The following ST7 variants were observed in gnomAD, a reference collection of about 807,000 sequenced individuals.
The protein encoded by ST7 is suppressor of tumorigenicity 7 protein.
ST7 carries 28 observed loss-of-function variants against 78.7 expected under a neutral mutation model. The observed-to-expected ratio is 0.36, with a 90% confidence interval of 0.26 to 0.49. ST7 has a LOEUF of 0.49. Among genes scored for constraint, ST7 ranks in the 20% least tolerant of loss-of-function variants. ST7 has a pLI of 0.99. For missense variants in ST7, 418 were observed against 696.0 expected (o/e 0.60, Z 4.49); for synonymous variants, 247 against 249.6 (o/e 0.99, Z 0.10).
rs781290828 is a variant in ST7, at chr7:117,136,251, G to A, written c.865+16G>A. ...GCCCAACATAGTAAGGTTTCCTGCA[G>A]GTTGATGCATTGGGGGATCAGAATT... On this transcript the variant is annotated intron_variant, in intron 8 of 15. Transcript: ENST00000323984. 3 of 1,613,552 alleles carry A rather than the reference G, an allele frequency of 1.9e-6. No homozygotes were observed. Among genetic ancestry groups the A allele is most frequent in the Non-Finnish European group, 2.5e-6 (3 of 1,179,654 alleles).
chr7:117,225,497 T>A (rs1367636843), intron 15 of ST7, among the ~76,000 whole-genome samples: 1 of 152,150 alleles, frequency 6.6e-6, no homozygotes, highest in Non-Finnish European at 1.5e-5. Context: ...ATGGCCTGAA[T>A]GAGACAAGCC....
At chr7:117,023,310 C>T (rs1001093596) in intron 1 of ST7, among the ~76,000 whole-genome samples, 5 of 152,008 alleles carry the variant, frequency 3.3e-5, no homozygotes, top group African/African-American at 9.7e-5. Flanking sequence ...GAAGAGTAAA[C>T]GCTAGTTCTT....
chr7:117,059,164 G>T (rs1289714255), intron 1 of ST7, among the ~76,000 whole-genome samples: 1 of 152,108 alleles, frequency 6.6e-6, no homozygotes, highest in African/African-American at 2.4e-5. Flanking sequence ...TAATTTAATT[G>T]TACATTTAGA....
At chr7:117,149,592 CTTTTT>C (rs59067333) in intron 9 of ST7, among the ~76,000 whole-genome samples, 90 of 83,968 alleles carry the variant, frequency 1.1e-3, no homozygotes, top group African/African-American at 3.1e-3. Flanking sequence ...CGTGTCCTAC[CTTTTT>C]TTTTTTTTTT....
At chr7:117,127,785 ACTT>A (rs1803976788) in intron 3 of ST7, among the ~76,000 whole-genome samples, 1 of 152,032 alleles carries the variant, frequency 6.6e-6, no homozygotes, top group Admixed American at 6.6e-5. Flanking sequence ...GTATTGTGAC[ACTT>A]CTTAAATAAA....
At chr7:117,167,573 G>C (rs1287134566) in intron 9 of ST7, among the ~76,000 whole-genome samples, 1 of 151,958 alleles carries the variant, frequency 6.6e-6, no homozygotes, top group African/African-American at 2.4e-5. Context: ...GGCAAGAGCA[G>C]GATGTTAGGT....
chr7:117,079,829 G>T (rs1409726605), intron 1 of ST7, among the ~76,000 whole-genome samples: 1 of 152,024 alleles, frequency 6.6e-6, no homozygotes, highest in African/African-American at 2.4e-5. Flanking sequence ...TTTATGTCAT[G>T]CTTAAGAAAC....
chr7:117,133,660 GTATTT>G (rs1285322102), intron 6 of ST7, among the ~76,000 whole-genome samples: 3 of 151,210 alleles, frequency 2.0e-5, no homozygotes, highest in Non-Finnish European at 4.4e-5. Context: ...GTTGTCTTTA[GTATTT>G]TATTTTGTTT....
chr7:117,096,212 CT>C (rs1333232569), intron 1 of ST7, among the ~76,000 whole-genome samples: 1 of 149,524 alleles, frequency 6.7e-6, no homozygotes, highest in South Asian at 2.2e-4. Context: ...TTGCTAATGA[CT>C]TTGATGAAGC....
chr7:117,066,593 C>G (rs1798644310), intron 1 of ST7, among the ~76,000 whole-genome samples: 1 of 151,882 alleles, frequency 6.6e-6, no homozygotes, highest in African/African-American at 2.4e-5. Context: ...AATCCCATCT[C>G]TACTAAAAAA....
intron 1 of ST7, chr7:116,967,607 C>G: frequency 1.1e-5 from 4 of 349,606 alleles, no homozygotes; most frequent in South Asian, 8.6e-5. Flanking sequence ...GGTCAACAGT[C>G]ATTTACCAGT....
At chr7:117,091,124 G>T (rs1800578737) in intron 1 of ST7, among the ~76,000 whole-genome samples, 1 of 152,124 alleles carries the variant, frequency 6.6e-6, no homozygotes. Context: ...ATTTATGAGG[G>T]TTTCTTGCCA....
At chr7:117,127,972 C>A (rs527549935) in intron 3 of ST7, among the ~76,000 whole-genome samples, 8 of 151,878 alleles carry the variant, frequency 5.3e-5, no homozygotes, top group South Asian at 4.2e-4. Context: ...CAGTGTTTAT[C>A]CTTCCAGGTA....
chr7:117,133,552 G>A (rs1003670373), intron 6 of ST7, among the ~76,000 whole-genome samples: 1 of 151,348 alleles, frequency 6.6e-6, no homozygotes, highest in African/African-American at 2.4e-5. Context: ...TTGTTTTGAT[G>A]TTATTATGTT....
At chr7:116,978,935 A>G (rs1041679530) in intron 1 of ST7, among the ~76,000 whole-genome samples, 1 of 152,152 alleles carries the variant, frequency 6.6e-6, no homozygotes, top group African/African-American at 2.4e-5. Flanking sequence ...ATAAAAGGCT[A>G]TTTACAGAGG....
intron 1 of ST7, among the ~76,000 whole-genome samples, chr7:117,050,050 CA>C (rs56002625): frequency 0.54 from 71,192 of 132,412 alleles, 18,536 homozygotes; most frequent in Non-Finnish European, 0.62. Flanking sequence ...ACTAAAAATA[CA>C]AAAAAAAAAA....
At chr7:116,971,874 G>T (rs1793442804) in intron 1 of ST7, among the ~76,000 whole-genome samples, 3 of 152,208 alleles carry the variant, frequency 2.0e-5, no homozygotes, top group Admixed American at 2.0e-4. Context: ...AACAAAAAAG[G>T]TAATCACAAA....
At chr7:117,136,649 A>G (rs1349849231) in intron 8 of ST7, 2 of 259,774 alleles carry the variant, frequency 7.7e-6, no homozygotes, top group East Asian at 1.8e-4. Flanking sequence ...ATGGATTGAA[A>G]TAGGACAATT....
At chr7:117,048,603 C>T (rs950780692) in intron 1 of ST7, among the ~76,000 whole-genome samples, 2 of 152,190 alleles carry the variant, frequency 1.3e-5, no homozygotes, top group African/African-American at 4.8e-5. Context: ...CACCCCACCC[C>T]ACCTGCTCCT....
Sources: gnomAD v4.1 joint callset for allele counts (sites outside exome capture counted in the v4.1 genomes callset) on GRCh38, gnomAD v4.1.1 for gene constraint, MANE v1.5 for transcripts, NCBI Gene and HGNC (gene_info 2026-07-23, HGNC 2026-07-21) for gene names.